FBXO28: variants seen among roughly 807,000 people sequenced by gnomAD.
The protein encoded by FBXO28 is F-box only protein 28.
A neutral mutation model predicts 38.1 loss-of-function variants in FBXO28; 8 were observed. That is an observed-to-expected ratio of 0.21 (90% CI 0.12 to 0.38). The LOEUF is 0.38. Ranked by LOEUF, FBXO28 falls within the 10% of genes least tolerant of loss-of-function variation. The pLI is 1.00. For missense variants in FBXO28, 345 were observed against 460.6 expected (o/e 0.75, Z 2.30); for synonymous variants, 168 against 173.8 (o/e 0.97, Z 0.26).
intron 1 of FBXO28, 134 bp downstream of exon 1, chr1:224,114,530 C>G: frequency 2.8e-6 from 2 of 707,556 alleles, no homozygotes; most frequent in Non-Finnish European, 4.6e-6. Context: ...GAGCCGCTCC[C>G]GTCCCGAACT....
At chr1:224,124,949 A>G (rs763751002) in intron 1 of FBXO28, among the ~76,000 whole-genome samples, 2 of 151,420 alleles carry the variant, frequency 1.3e-5, no homozygotes, top group African/African-American at 2.4e-5. Context: ...GTGGTCTTGA[A>G]CTCCTAACCT....
At chr1:224,115,730 G>A (rs988966250) in intron 1 of FBXO28, among the ~76,000 whole-genome samples, 9 of 152,110 alleles carry the variant, frequency 5.9e-5, no homozygotes, top group African/African-American at 2.2e-4. Context: ...ACAAACAGTG[G>A]CGTTTAATCA....
chr1:224,159,702 AG>A lies in FBXO28; in HGVS notation c.*1958del, dbSNP rs1407623822. The A allele has an allele frequency of 1.3e-5, 2 of 152,106 alleles. No homozygotes were observed. The highest frequency in any genetic ancestry group is 2.9e-5 in the Non-Finnish European group (2 of 68,036). The allele number at this position is 152,106 out of a possible 1,614,324, so 9.4% of individuals were successfully genotyped here. Reference sequence around the variant, plus strand: ...TCTACTAGTCTGCTTTTCCGGTCATAGGAAGACTTTTTTTTTTACGTATCAA... The same window carrying A: ...TCTACTAGTCTGCTTTTCCGGTCATAGAAGACTTTTTTTTTTACGTATCAA... On this transcript the variant is annotated 3_prime_UTR_variant, in exon 5 of 5. Transcript: ENST00000366862.
chr1:224,153,650 G>A (rs1282682591), intron 4 of FBXO28, among the ~76,000 whole-genome samples: 1 of 152,194 alleles, frequency 6.6e-6, no homozygotes, highest in Non-Finnish European at 1.5e-5. Context: ...GCCAGGCGCA[G>A]TGGGTCACAC....
rs1451303604 is a variant in FBXO28, at chr1:224,114,123, C to T, written c.-7C>T. The T allele has an allele frequency of 3.9e-6, 6 of 1,536,138 alleles. No homozygotes were observed. Among genetic ancestry groups the T allele is most frequent in the Non-Finnish European group, 4.4e-6 (5 of 1,140,218 alleles). On this transcript the variant is annotated 5_prime_UTR_variant, in exon 1 of 5. Coordinates refer to ENST00000366862, the MANE Select transcript of FBXO28 (RefSeq NM_015176.4). ...TTGCTGTGGGGGTAAGGAATCAAGC[C>T]CCCAAGATGGCGGCAGCGGCGGAGG...
At chr1:224,123,965 C>A (rs554021670) in intron 1 of FBXO28, among the ~76,000 whole-genome samples, 74 of 152,166 alleles carry the variant, frequency 4.9e-4, no homozygotes, top group African/African-American at 1.7e-3. Flanking sequence ...AAAAAATTAG[C>A]CGGGCGTGGT....
intron 1 of FBXO28, among the ~76,000 whole-genome samples, chr1:224,120,399 T>C (rs891836849): frequency 5.3e-5 from 8 of 152,254 alleles, no homozygotes; most frequent in African/African-American, 9.6e-5. Flanking sequence ...GTAATATTTC[T>C]AAGTTTCCAT....
At chr1:224,150,363 C>T (rs1657612303) in intron 3 of FBXO28, among the ~76,000 whole-genome samples, 1 of 152,042 alleles carries the variant, frequency 6.6e-6, no homozygotes, top group African/African-American at 2.4e-5. Flanking sequence ...ATATATAACC[C>T]ATATGTAAAA....
At chr1:224,124,309 A>G (rs1207816628) in intron 1 of FBXO28, among the ~76,000 whole-genome samples, 2 of 152,194 alleles carry the variant, frequency 1.3e-5, no homozygotes, top group East Asian at 3.8e-4. Flanking sequence ...CAGGAGCCCA[A>G]GCTATATCTT....
At position 224,147,777 on chromosome 1, in the gene FBXO28, C is replaced by T. The variant is rs115611163; in HGVS notation, c.517-5365C>T. Among the ~76,000 whole-genome samples the T allele has an allele frequency of 1.0e-2, 1,490 of 149,422 alleles. 31 individuals carry two copies. The highest frequency in any genetic ancestry group is 0.034 in the African/African-American group (1,395 of 40,540). ...GACCTTCCTAAGGCCTGTGGTCTTTCCACTAGACCTCAAAACTCATACCAT... is the reference window on the plus strand; with the variant it reads ...GACCTTCCTAAGGCCTGTGGTCTTTTCACTAGACCTCAAAACTCATACCAT... On this transcript the variant is annotated intron_variant, in intron 3 of 4. Coordinates refer to ENST00000366862, the MANE Select transcript of FBXO28 (RefSeq NM_015176.4).
At chr1:224,120,315 T>C (rs1656742126) in intron 1 of FBXO28, among the ~76,000 whole-genome samples, 1 of 152,220 alleles carries the variant, frequency 6.6e-6, no homozygotes, top group South Asian at 2.1e-4. Flanking sequence ...CTTTTTCCTG[T>C]TTCGCTCTCC....
At chr1:224,120,434 T>C (rs12049583) in intron 1 of FBXO28, among the ~76,000 whole-genome samples, 62,389 of 152,142 alleles carry the variant, frequency 0.41, 12,993 homozygotes, top group East Asian at 0.57. Flanking sequence ...ACTTACTACA[T>C]TGGAATTATC....
In FBXO28 at chr1:224,160,537, C is replaced by T. The variant is rs1298817178; in HGVS notation, c.*2791C>T. 6.6e-6 allele frequency: 1 copy of T among 152,188 alleles called. No homozygotes were observed. Among genetic ancestry groups the T allele is most frequent in the Admixed American group, 6.6e-5 (1 of 15,266 alleles). 9.4% of individuals were successfully genotyped at this position (152,188 alleles called of 1,614,324 possible). On this transcript the variant is annotated 3_prime_UTR_variant, in exon 5 of 5. Transcript: ENST00000366862. ...CCCCAGCCGGATCCTCTGCTTATCT[C>T]CCACATGCACTTGGCTTAACTGGTT... is the stretch of plus-strand genomic sequence containing the variant.
At chr1:224,155,060 T>C (rs1657742165) in intron 4 of FBXO28, among the ~76,000 whole-genome samples, 1 of 152,172 alleles carries the variant, frequency 6.6e-6, no homozygotes, top group Non-Finnish European at 1.5e-5. Context: ...GAATTAATAT[T>C]CATTTTTTAA....
chr1:224,140,407 T>C (rs1657315266), intron 3 of FBXO28, among the ~76,000 whole-genome samples: 1 of 152,196 alleles, frequency 6.6e-6, no homozygotes, highest in South Asian at 2.1e-4. Flanking sequence ...TAGGCTCTCT[T>C]TGTGTCACTT....
intron 1 of FBXO28, among the ~76,000 whole-genome samples, chr1:224,125,735 G>T (rs1042767422): frequency 6.6e-6 from 1 of 150,890 alleles, no homozygotes; most frequent in African/African-American, 2.4e-5. Flanking sequence ...TCCACCTTCC[G>T]GGTTTAAGCG....
At position 224,157,200 on chromosome 1, in the gene FBXO28, A is replaced by G. The variant is rs1657793166; in HGVS notation, c.713-152A>G. ...TATAGTTAAAATAAGGTGTTAAATT[A>G]TGATGATTAACCCAACTGACCAAAT... On this transcript the variant is annotated intron_variant, in intron 4 of 4. Transcript: ENST00000366862. The G allele has an allele frequency of 5.7e-6, 5 of 872,982 alleles. No individual in the cohort carries two copies. In the South Asian group the frequency reaches 9.9e-5, roughly 17 times the overall value. 54.1% of individuals were successfully genotyped at this position (872,982 alleles called of 1,614,324 possible). A position where few individuals can be genotyped will look rare whatever the true frequency, so the allele number is the denominator to read the frequency against.
At chr1:224,156,083 G>T (rs1657767045) in intron 4 of FBXO28, among the ~76,000 whole-genome samples, 3 of 152,158 alleles carry the variant, frequency 2.0e-5, no homozygotes, top group African/African-American at 4.8e-5. Context: ...AGGGAAAGAA[G>T]AATGCATCCA....
intron 3 of FBXO28, among the ~76,000 whole-genome samples, chr1:224,138,938 T>C (rs910278073): frequency 4.0e-5 from 6 of 151,548 alleles, no homozygotes; most frequent in East Asian, 3.9e-4. Context: ...CATGCCACCA[T>C]GCCCAGCTAA....
Sources: allele counts gnomAD v4.1 joint callset (sites outside exome capture counted in the v4.1 genomes callset), GRCh38; gene constraint gnomAD v4.1.1; transcripts MANE v1.5; gene names NCBI Gene and HGNC (gene_info 2026-07-23, HGNC 2026-07-21).